Variants in AUTS2 observed in about 807,000 individuals in gnomAD.
The protein encoded by AUTS2 is autism susceptibility gene 2 protein.
A neutral mutation model predicts 112.4 loss-of-function variants in AUTS2; 17 were observed. That is an observed-to-expected ratio of 0.15 (90% CI 0.10 to 0.23). The LOEUF (loss-of-function observed/expected upper bound fraction) is 0.23. Ranked by LOEUF, AUTS2 falls within the 10% of genes least tolerant of loss-of-function variation. The probability of loss-of-function intolerance (pLI) is 1.00; values close to 1 mark genes in which losing one functional copy is unlikely to be tolerated. For missense variants in AUTS2, 1,510 were observed against 1,701.6 expected, an observed-to-expected ratio of 0.89 and a Z score of 1.98; for synonymous variants, 751 against 702.7, an observed-to-expected ratio of 1.07 and a Z score of -1.09.
intron 2 of AUTS2, among the ~76,000 whole-genome samples, chr7:69,931,770 C>A (rs1455307230): frequency 3.9e-5 from 6 of 152,152 alleles, no homozygotes; most frequent in Admixed American, 3.9e-4. Context: ...TAATAAAGGT[C>A]AGATTTTATA....
chr7:70,573,036 C>G (rs749930690), intron 5 of AUTS2, among the ~76,000 whole-genome samples: 1 of 152,144 alleles, frequency 6.6e-6, no homozygotes, highest in Non-Finnish European at 1.5e-5. Context: ...TGATGGACTT[C>G]GACTCTTCGG....
intron 4 of AUTS2, among the ~76,000 whole-genome samples, chr7:70,241,811 A>T (rs1812629564): frequency 6.6e-6 from 1 of 152,192 alleles, no homozygotes; most frequent in Non-Finnish European, 1.5e-5. Flanking sequence ...GCTCTCTGAA[A>T]AAAGCTTTGA....
At chr7:70,459,126 T>G (rs1216835731) in intron 5 of AUTS2, among the ~76,000 whole-genome samples, 2 of 152,216 alleles carry the variant, frequency 1.3e-5, no homozygotes, top group Non-Finnish European at 2.9e-5. Flanking sequence ...ACAGATGCCA[T>G]ATTCCTACCC....
intron 4 of AUTS2, among the ~76,000 whole-genome samples, chr7:70,388,663 C>G (rs1793718494): frequency 6.6e-6 from 1 of 152,274 alleles, no homozygotes; most frequent in East Asian, 1.9e-4. Flanking sequence ...TTATCTGACC[C>G]TCTCTATACT....
intron 1 of AUTS2, among the ~76,000 whole-genome samples, chr7:69,665,088 G>A (rs1795970468): frequency 6.6e-6 from 1 of 152,150 alleles, no homozygotes; most frequent in African/African-American, 2.4e-5. Flanking sequence ...ATTTCACTGT[G>A]TATAGCTGTG....
chr7:69,806,329 T>C (rs867396717), intron 1 of AUTS2, among the ~76,000 whole-genome samples: 2 of 150,082 alleles, frequency 1.3e-5, no homozygotes, highest in Non-Finnish European at 2.9e-5. Context: ...TAGTAGGAGA[T>C]AATGTAGAAA....
At chr7:70,435,418 T>C (rs973854074) in intron 4 of AUTS2, among the ~76,000 whole-genome samples, 1 of 152,224 alleles carries the variant, frequency 6.6e-6, no homozygotes, top group African/African-American at 2.4e-5. Flanking sequence ...GGCTGACTCC[T>C]AGAGGGGCAT....
intron 2 of AUTS2, among the ~76,000 whole-genome samples, chr7:70,105,869 G>T (rs564244407): frequency 6.6e-6 from 1 of 152,212 alleles, no homozygotes; most frequent in Non-Finnish European, 1.5e-5. Context: ...GGGGGCCCTA[G>T]TATTTGTCTT....
At chr7:70,257,005 A>T (rs1786910194) in intron 4 of AUTS2, among the ~76,000 whole-genome samples, 1 of 152,186 alleles carries the variant, frequency 6.6e-6, no homozygotes, top group Non-Finnish European at 1.5e-5. Context: ...TGATCTTCTA[A>T]GAAAATTAGA....
rs370234484 is a variant in AUTS2 at position 70,453,481 on chromosome 7, G to C, written c.690+17700G>C. Among the ~76,000 whole-genome samples the C allele has an allele frequency of 1.1e-4, 16 of 152,322 alleles. No homozygotes were observed. In the South Asian group the frequency reaches 3.3e-3, roughly 32 times the overall value. ...TTTGTCCGTGTATTAGTTTCCTGTG[G>C]CTGTTCTAATGAATTATCACAAACT... On this transcript the variant is annotated intron_variant, in intron 5 of 18. Transcript: ENST00000342771.
chr7:70,159,788 A>C (rs1012094988), intron 4 of AUTS2, among the ~76,000 whole-genome samples: 20 of 152,186 alleles, frequency 1.3e-4, no homozygotes, highest in Non-Finnish European at 2.9e-4. Context: ...TAATACTTTT[A>C]TGTCTTCATT....
At chr7:70,013,694 T>G (rs1799902778) in intron 2 of AUTS2, among the ~76,000 whole-genome samples, 1 of 152,166 alleles carries the variant, frequency 6.6e-6, no homozygotes, top group African/African-American at 2.4e-5. Context: ...TGGAGTTTCC[T>G]CTCTACCGTT....
chr7:70,125,792 T>C (rs972433684), intron 3 of AUTS2, among the ~76,000 whole-genome samples: 2 of 152,220 alleles, frequency 1.3e-5, no homozygotes, highest in African/African-American at 4.8e-5. Flanking sequence ...AATATTATTG[T>C]CCTTTACTCT....
At position 70,764,886 on chromosome 7, in the gene AUTS2, C is replaced by T. The variant is rs780713384; in HGVS notation, c.1349C>T (p.Pro450Leu). ...CACAGCTTCACACCCACCCTCCAGC[C>T]CCCCGCACACTCACATCACCCCAAT... ...PLHSFTPTLQ[P>L]PAHSHHPNMF... The change falls in exon 8 of 19, where the codon CCC (proline) becomes CTC (leucine). Residue 450 changes from proline to leucine, a missense_variant. Physicochemically the swap from Pro to Leu is moderately conservative, Grantham distance 98. Transcript: ENST00000342771. 5 of 1,606,606 alleles carry T rather than the reference C, an allele frequency of 3.1e-6. No homozygotes were observed. The South Asian group carries it at 5.5e-5, about 18-fold the overall frequency.
chr7:70,781,840 G>C, intron 15 of AUTS2, 84 bp downstream of exon 15: 1 of 1,524,040 alleles, frequency 6.6e-7, no homozygotes, highest in South Asian at 1.3e-5. Context: ...GCTCTGAGCT[G>C]CCGCTCAGTC....
intron 11 of AUTS2, among the ~76,000 whole-genome samples, chr7:70,772,154 C>G (rs1390315986): frequency 1.3e-5 from 2 of 152,210 alleles, no homozygotes; most frequent in Non-Finnish European, 2.9e-5. Flanking sequence ...GGCCTGCCGG[C>G]AGGTGGGGTG....
chr7:70,381,144 C>A (rs1793350725), intron 4 of AUTS2, among the ~76,000 whole-genome samples: 1 of 152,024 alleles, frequency 6.6e-6, no homozygotes, highest in Non-Finnish European at 1.5e-5. Context: ...TGAAATAATA[C>A]TAAGAATAAC....
Position 70,789,878 on chromosome 7 carries a change from G to A in AUTS2, c.2662G>A (p.Asp888Asn), listed in dbSNP as rs1369741838. 1 of 1,614,142 alleles carries A rather than the reference G, an allele frequency of 6.2e-7. No individual in the cohort carries two copies. The highest frequency in any genetic ancestry group is 1.6e-4 in the Middle Eastern group (1 of 6,062). ...TCTGAACACTGAGGCTCGGGAGAAG[G>A]ACAAACCCAAAGAGAGGGAGAGAGA... ...AHLNTEAREKDKPKERERDHS... is the reference protein window; with the variant it reads ...AHLNTEAREKNKPKERERDHS... The change falls in exon 19 of 19, where the codon GAC becomes AAC. Residue 888 changes from aspartate to asparagine, a missense_variant. Asp to Asn is a conservative substitution (Grantham distance 23). Around this residue, in one of 3 missense-constraint regions of AUTS2, gnomAD observed 788 missense variants for 797.6 expected, o/e 0.99. Coordinates refer to ENST00000342771, the MANE Select transcript of AUTS2 (RefSeq NM_015570.4).
intron 5 of AUTS2, among the ~76,000 whole-genome samples, chr7:70,623,733 T>A (rs1804793572): frequency 6.6e-6 from 1 of 152,346 alleles, no homozygotes; most frequent in East Asian, 1.9e-4. Flanking sequence ...GGTCACCATG[T>A]GGAGAAGAGG....
Sources: gnomAD v4.1 joint callset for allele counts (sites outside exome capture counted in the v4.1 genomes callset) on GRCh38, gnomAD v4.1.1 for gene constraint, gnomAD v4.1.1 regional missense constraint, MANE v1.5 for transcripts, NCBI Gene and HGNC (gene_info 2026-07-23, HGNC 2026-07-21) for gene names.